MYOZ3: variants seen among roughly 807,000 people sequenced by gnomAD.
MYOZ3 encodes myozenin 3, also known as myozenin-3.
A neutral mutation model predicts 26.5 loss-of-function variants in MYOZ3; 19 were observed. The observed-to-expected ratio is 0.72, with a 90% CI of 0.50 to 1.05. The LOEUF is 1.05. Among genes scored for constraint, MYOZ3 ranks in the 50% least tolerant of loss-of-function variants. MYOZ3 has a pLI of 0.00. For synonymous variants in MYOZ3, 135 were observed against 138.8 expected (o/e 0.97, Z 0.19); for missense variants, 322 against 337.1 (o/e 0.96, Z 0.35).
chr5:150,676,937 TGTG>T lies in MYOZ3; in HGVS notation c.*64_*66del. On this transcript the variant is annotated 3_prime_UTR_variant, in exon 7 of 7. Coordinates refer to ENST00000517768, the MANE Select transcript of MYOZ3 (RefSeq NM_001122853.3). ...CCTGGTAACATCCGGAGCCAAGACT[TGTG>T]GACAGCACTTCACAGTTGAAGAAGG... 6.6e-7 allele frequency: 1 copy of T among 1,520,508 alleles called. No homozygotes were observed. The highest frequency in any genetic ancestry group is 1.1e-5 in the South Asian group (1 of 87,922). 94.2% of individuals were successfully genotyped at this position (1,520,508 alleles called of 1,614,324 possible).
intron 2 of MYOZ3, among the ~76,000 whole-genome samples, chr5:150,666,658 T>C (rs865951756): frequency 1.4e-5 from 2 of 145,646 alleles, no homozygotes; most frequent in Non-Finnish European, 3.0e-5. Context: ...TACACACACA[T>C]ATATATAAAA....
At position 150,676,942 on chromosome 5, in the gene MYOZ3, A is replaced by G; in HGVS notation, c.*67A>G. On this transcript the variant is annotated 3_prime_UTR_variant, in exon 7 of 7. Coordinates refer to ENST00000517768, the MANE Select transcript of MYOZ3 (RefSeq NM_001122853.3). ...TAACATCCGGAGCCAAGACTTGTGG[A>G]CAGCACTTCACAGTTGAAGAAGGGC... is the stretch of plus-strand genomic sequence containing the variant. 1 of 1,484,328 alleles carries G rather than the reference A, an allele frequency of 6.7e-7. No homozygotes were observed. 91.9% of individuals were successfully genotyped at this position (1,484,328 alleles called of 1,614,324 possible).
intron 2 of MYOZ3, among the ~76,000 whole-genome samples, chr5:150,668,261 C>A (rs557756738): frequency 6.6e-6 from 1 of 152,346 alleles, no homozygotes; most frequent in South Asian, 2.1e-4. Context: ...CCCAAACACT[C>A]CATAGAAACT....
Position 150,669,633 on chromosome 5 carries a change from C to CTTTTTT in MYOZ3, c.62-824_62-819dup. ...CAACTTTCCTCAGGGCCCATATATGCTTTTTTTTTTTTTTTTTTTTTTTTT... is the reference window on the plus strand; with the variant it reads ...CAACTTTCCTCAGGGCCCATATATGCTTTTTTTTTTTTTTTTTTTTTTTTTTTTTTT... On this transcript the variant is annotated intron_variant, in intron 2 of 6. Transcript: ENST00000517768. Among the ~76,000 whole-genome samples, 119 of 47,732 alleles carry CTTTTTT rather than the reference C, an allele frequency of 2.5e-3. 33 individuals carry two copies. The highest frequency in any genetic ancestry group is 4.8e-3 in the African/African-American group (81 of 16,880). The allele number at this position is 47,732 out of a possible 152,430, so 31.3% of individuals were successfully genotyped here.
At position 150,670,481 on chromosome 5, in the gene MYOZ3, C is replaced by A; in HGVS notation, c.62-3C>A. The A allele has an allele frequency of 1.2e-6, 2 of 1,605,278 alleles. No individual in the cohort carries two copies. The highest frequency in any genetic ancestry group is 1.1e-5 in the South Asian group (1 of 90,424). On this transcript the variant is annotated splice_polypyrimidine_tract_variant and splice_region_variant and intron_variant, in intron 2 of 6. Transcript: ENST00000517768. ...GAGAGCCCGCTCTGGCCTTTCCTGG[C>A]AGTCCCTACGCTGGACCTGGGCAAG...
chr5:150,672,179 C>T, intron 5 of MYOZ3, 161 bp from the exon 6 acceptor site: 1 of 1,137,620 alleles, frequency 8.8e-7, no homozygotes, highest in Non-Finnish European at 1.3e-6. Flanking sequence ...GGGGAGGGGT[C>T]TCCTGTGCTG....
intron 5 of MYOZ3, 24 bp from the exon 6 acceptor site, chr5:150,672,316 G>T (rs770896313): frequency 1.9e-6 from 3 of 1,575,152 alleles, no homozygotes; most frequent in Admixed American, 1.9e-5. Flanking sequence ...GAACGGAGGC[G>T]CTCCCTTCCC....
intron 6 of MYOZ3, among the ~76,000 whole-genome samples, chr5:150,675,705 C>CT (rs1270491185): frequency 6.6e-6 from 1 of 152,160 alleles, no homozygotes; most frequent in Non-Finnish European, 1.5e-5. Flanking sequence ...TGAGCATGCT[C>CT]TATCTGTCTT....
In MYOZ3 at chr5:150,678,536, AATC is replaced by A. The variant is rs1759053277; in HGVS notation, c.*1665_*1667del. The A allele has an allele frequency of 6.6e-6, 1 of 152,302 alleles. No individual in the cohort carries two copies. The highest frequency in any genetic ancestry group is 2.1e-4 in the South Asian group (1 of 4,824). 9.4% of individuals were successfully genotyped at this position (152,302 alleles called of 1,614,324 possible). ...GGTGGTCAATGCCCACTCGCTCTGA[AATC>A]ATCTGACTGTGATGCCCTGCCTTGG... On this transcript the variant is annotated 3_prime_UTR_variant, in exon 7 of 7. Coordinates refer to ENST00000517768, the MANE Select transcript of MYOZ3 (RefSeq NM_001122853.3).
intron 6 of MYOZ3, among the ~76,000 whole-genome samples, chr5:150,675,327 C>G (rs769403142): frequency 5.3e-5 from 8 of 152,080 alleles, no homozygotes; most frequent in Admixed American, 1.3e-4. Context: ...CATACTAATA[C>G]GTAGAGCTCT....
intron 2 of MYOZ3, among the ~76,000 whole-genome samples, chr5:150,663,484 CGA>C (rs894907887): frequency 1.3e-5 from 2 of 151,938 alleles, no homozygotes; most frequent in African/African-American, 4.8e-5. Context: ...ACAGGGGAGT[CGA>C]GAGAGTGGAG....
chr5:150,672,613 C>A (rs1758939639), intron 6 of MYOZ3, 111 bp downstream of exon 6: 6 of 1,301,198 alleles, frequency 4.6e-6, no homozygotes, highest in Middle Eastern at 2.2e-4. Context: ...AGGCTCTGTC[C>A]CCAGCGCTTT....
chr5:150,675,534 A>T (rs1758990738), intron 6 of MYOZ3, among the ~76,000 whole-genome samples: 1 of 151,884 alleles, frequency 6.6e-6, no homozygotes, highest in Non-Finnish European at 1.5e-5. Flanking sequence ...CACCATGCCC[A>T]TCTAATTTTT....
intron 3 of MYOZ3, 81 bp from the exon 4 acceptor site, chr5:150,671,516 C>T (rs1029822143): frequency 7.7e-6 from 11 of 1,422,092 alleles, no homozygotes; most frequent in Non-Finnish European, 1.1e-5. Flanking sequence ...TCCCCCCGAC[C>T]TTTTTTTTTG....
chr5:150,665,164 T>G (rs1758789344), intron 2 of MYOZ3, among the ~76,000 whole-genome samples: 2 of 152,156 alleles, frequency 1.3e-5, no homozygotes, highest in African/African-American at 2.4e-5. Flanking sequence ...GTGAGATCCT[T>G]CGGGGCAGAA....
At chr5:150,674,589 T>A (rs1315192487) in intron 6 of MYOZ3, among the ~76,000 whole-genome samples, 1 of 152,248 alleles carries the variant, frequency 6.6e-6, no homozygotes, top group African/African-American at 2.4e-5. Flanking sequence ...AATGCTTTCC[T>A]GGCTGGGACT....
upstream of MYOZ3, chr5:150,661,147 C>T (rs1758724300): frequency 6.6e-6 from 1 of 152,436 alleles, no homozygotes; most frequent in South Asian, 2.1e-4. Context: ...TCTGCACAGG[C>T]CTGTTGCCAG....
intron 1 of MYOZ3, 145 bp from the exon 2 acceptor site, chr5:150,662,796 C>A: frequency 1.4e-6 from 1 of 693,192 alleles, no homozygotes; most frequent in Non-Finnish European, 2.5e-6. Flanking sequence ...CCCTGAAGTC[C>A]CTTCCAGCTC....
rs1380328303 is a variant in MYOZ3, at chr5:150,678,817, C to T, written c.*1942C>T. 3 of 152,394 alleles carry T rather than the reference C, an allele frequency of 2.0e-5. No homozygotes were observed. The highest frequency in any genetic ancestry group is 7.2e-5 in the African/African-American group (3 of 41,434). 9.4% of individuals were successfully genotyped at this position (152,394 alleles called of 1,614,324 possible). A position where few individuals can be genotyped will look rare whatever the true frequency, so the allele number is the denominator to read the frequency against. ...GCTGCTCTAGGCTGGAAAAGTTGTT[C>T]TTGCACTGGATGCAGCATGAGAAGC... On this transcript the variant is annotated 3_prime_UTR_variant, in exon 7 of 7. Coordinates refer to ENST00000517768, the MANE Select transcript of MYOZ3 (RefSeq NM_001122853.3).
Sources: allele counts gnomAD v4.1 joint callset (sites outside exome capture counted in the v4.1 genomes callset), GRCh38; gene constraint gnomAD v4.1.1; transcripts MANE v1.5; gene names NCBI Gene and HGNC (gene_info 2026-07-23, HGNC 2026-07-21).